DENND1B: variants seen among roughly 807,000 people sequenced by gnomAD.
DENND1B encodes DENN domain containing 1B, also known as DENN domain-containing protein 1B.
DENND1B carries 59 observed loss-of-function variants against 90.1 expected under a neutral mutation model. The ratio of observed to expected loss-of-function variants is 0.65; its 90% CI spans 0.53 to 0.81. The LOEUF is 0.81. Among genes scored for constraint, DENND1B ranks in the 40% least tolerant of loss-of-function variants. The probability of loss-of-function intolerance (pLI) is 0.00; values close to 1 mark genes in which losing one functional copy is unlikely to be tolerated. For missense variants in DENND1B, 862 were observed against 912.6 expected, an observed-to-expected ratio of 0.94 and a Z score of 0.71; for synonymous variants, 337 against 324.6, an observed-to-expected ratio of 1.04 and a Z score of -0.41.
chr1:197,638,928 T>C (rs1680032142), intron 10 of DENND1B, among the ~76,000 whole-genome samples: 1 of 151,970 alleles, frequency 6.6e-6, no homozygotes, highest in African/African-American at 2.4e-5. Context: ...AAAAATATAA[T>C]AATAGGTACT....
intron 14 of DENND1B, among the ~76,000 whole-genome samples, chr1:197,585,358 A>T (rs759179761): frequency 5.3e-5 from 8 of 152,244 alleles, no homozygotes; most frequent in Non-Finnish European, 7.3e-5. Flanking sequence ...TTACAAAGTA[A>T]TCAGGACTAA....
At chr1:197,527,545 G>A (rs1010076068) in intron 20 of DENND1B, among the ~76,000 whole-genome samples, 1 of 152,042 alleles carries the variant, frequency 6.6e-6, no homozygotes, top group Non-Finnish European at 1.5e-5. Context: ...GCCTCCAAAC[G>A]TGCTGGGATT....
Position 197,576,298 on chromosome 1 carries a change from T to C in DENND1B, c.1149+6854A>G, listed in dbSNP as rs189197590. ...TTGCATATTACATTAGAATAGGAAA[T>C]TGGAAAGGATTTGGAGCCCAAAGAG... On this transcript the variant is annotated intron_variant, in intron 15 of 22. Coordinates refer to ENST00000620048, the MANE Select transcript of DENND1B (RefSeq NM_001195215.2). 2.2e-3 allele frequency among the ~76,000 whole-genome samples: 332 copies of C among 152,062 alleles called. 2 individuals are homozygous for C. Among genetic ancestry groups the C allele is most frequent in the African/African-American group, 7.7e-3 (321 of 41,460 alleles).
intron 5 of DENND1B, among the ~76,000 whole-genome samples, chr1:197,666,710 C>CT (rs996156597): frequency 1.3e-5 from 2 of 152,198 alleles, no homozygotes; most frequent in African/African-American, 4.8e-5. Flanking sequence ...TCATATACTT[C>CT]TGGAAGCAGC....
chr1:197,566,452 T>C (rs1054693974), intron 15 of DENND1B, among the ~76,000 whole-genome samples: 9 of 152,052 alleles, frequency 5.9e-5, no homozygotes, highest in Admixed American at 5.9e-4. Context: ...TATAGATCAA[T>C]GGAACAGAAC....
At chr1:197,679,007 T>C (rs1296772198) in intron 3 of DENND1B, among the ~76,000 whole-genome samples, 1 of 152,142 alleles carries the variant, frequency 6.6e-6, no homozygotes, top group Non-Finnish European at 1.5e-5. Context: ...GAAAGCACTC[T>C]AAGTCTGTGA....
chr1:197,686,268 T>C (rs1259054723), intron 3 of DENND1B, among the ~76,000 whole-genome samples: 1 of 152,152 alleles, frequency 6.6e-6, no homozygotes, highest in Admixed American at 6.5e-5. Flanking sequence ...TTTACGGAAA[T>C]ATATCATAAA....
chr1:197,660,857 T>C (rs1572229330), intron 5 of DENND1B, among the ~76,000 whole-genome samples: 1 of 152,052 alleles, frequency 6.6e-6, no homozygotes, highest in East Asian at 1.9e-4. Flanking sequence ...TCCTAAAGGA[T>C]GGCTAAAATA....
At chr1:197,690,303 C>G (rs1657728267) in intron 3 of DENND1B, 1 of 199,802 alleles carries the variant, frequency 5.0e-6, no homozygotes, top group African/African-American at 2.4e-5. Context: ...TATCTTGAGC[C>G]AACCAGGCCA....
At chr1:197,650,603 G>A (rs552984250) in intron 7 of DENND1B, among the ~76,000 whole-genome samples, 4 of 152,226 alleles carry the variant, frequency 2.6e-5, no homozygotes, top group Admixed American at 6.5e-5. Flanking sequence ...CTGCAAAATC[G>A]TGGAATCAAC....
At chr1:197,584,924 C>T (rs1298707313) in intron 14 of DENND1B, among the ~76,000 whole-genome samples, 4 of 152,176 alleles carry the variant, frequency 2.6e-5, no homozygotes, top group African/African-American at 9.7e-5. Flanking sequence ...CTCCCCACCT[C>T]GGCCACCCAA....
intron 7 of DENND1B, among the ~76,000 whole-genome samples, chr1:197,647,465 C>A (rs553206292): frequency 6.6e-6 from 1 of 152,230 alleles, no homozygotes; most frequent in Non-Finnish European, 1.5e-5. Context: ...CATAATCATC[C>A]ATTTTAATCT....
At chr1:197,605,544 A>C (rs1676598297) in intron 13 of DENND1B, 1 of 151,080 alleles carries the variant, frequency 6.6e-6, no homozygotes, top group South Asian at 2.1e-4. Context: ...TAGGAAGTAC[A>C]TGCATATAAG....
chr1:197,641,927 G>A (rs375287099), intron 10 of DENND1B, among the ~76,000 whole-genome samples: 3 of 151,700 alleles, frequency 2.0e-5, no homozygotes, highest in South Asian at 2.1e-4. Context: ...AAATTTGTGA[G>A]GAAGAAAATT....
chr1:197,636,800 G>A lies in DENND1B; in HGVS notation c.672+5911C>T, dbSNP rs138779150. The stretch of plus-strand genomic sequence containing the variant: ...AGTGGGCAGTTGAAGAACAGGAATC[G>A]GAGAAGAAAAGATTAAGGAGGTAGA... On this transcript the variant is annotated intron_variant, in intron 10 of 22. Coordinates refer to ENST00000620048, the MANE Select transcript of DENND1B (RefSeq NM_001195215.2). Among the ~76,000 whole-genome samples the A allele has an allele frequency of 2.0e-4, 31 of 152,164 alleles. No individual in the cohort carries two copies. The East Asian group carries it at 4.6e-3, about 23-fold the overall frequency.
At chr1:197,672,570 G>A (rs1655621541) in intron 4 of DENND1B, among the ~76,000 whole-genome samples, 1 of 151,952 alleles carries the variant, frequency 6.6e-6, no homozygotes, top group African/African-American at 2.4e-5. Flanking sequence ...AGCAAATCAT[G>A]TCGCTTTAGA....
chr1:197,765,482 T>A (rs997909160), intron 2 of DENND1B, among the ~76,000 whole-genome samples: 9 of 152,170 alleles, frequency 5.9e-5, no homozygotes, highest in African/African-American at 1.9e-4. Context: ...TATTATCCCC[T>A]AACTTGCAAA....
At chr1:197,664,924 C>T (rs1172217916) in intron 5 of DENND1B, among the ~76,000 whole-genome samples, 1 of 151,948 alleles carries the variant, frequency 6.6e-6, no homozygotes, top group Non-Finnish European at 1.5e-5. Context: ...ATTTTGAACC[C>T]TTGGCGACAA....
At chr1:197,559,725 A>T (rs74134846) in intron 15 of DENND1B, among the ~76,000 whole-genome samples, 769 of 53,882 alleles carry the variant, frequency 0.014, 2 homozygotes, top group African/African-American at 0.047. Context: ...TAAAAATTTA[A>T]TAAGTCTAAT....
Sources: gnomAD v4.1 joint callset for allele counts (sites outside exome capture counted in the v4.1 genomes callset) on GRCh38, gnomAD v4.1.1 for gene constraint, MANE v1.5 for transcripts, NCBI Gene and HGNC (gene_info 2026-07-23, HGNC 2026-07-21) for gene names.